The following SOX5 variants were observed in gnomAD, a reference collection of about 807,000 sequenced individuals.
The protein encoded by SOX5 is transcription factor SOX-5.
In SOX5, 9 loss-of-function variants were observed where a neutral mutation model predicts 92.0. The observed-to-expected ratio is 0.10, with a 90% CI of 0.06 to 0.17. SOX5 has a LOEUF of 0.17. Ranked by LOEUF, SOX5 falls within the 10% of genes least tolerant of loss-of-function variation. The probability of loss-of-function intolerance (pLI) is 1.00; values close to 1 mark genes in which losing one functional copy is unlikely to be tolerated. For missense variants in SOX5, 642 were observed against 944.5 expected (o/e 0.68, Z 4.20); for synonymous variants, 344 against 336.3 (o/e 1.02, Z -0.25).
intron 4 of SOX5, among the ~76,000 whole-genome samples, chr12:24,107,255 C>T (rs1946796791): frequency 6.6e-6 from 1 of 152,142 alleles, no homozygotes; most frequent in Non-Finnish European, 1.5e-5. Flanking sequence ...GGGGCAGCCA[C>T]TCTCTTCTTA....
chr12:23,611,702 A>G (rs2075983545), intron 8 of SOX5, among the ~76,000 whole-genome samples: 1 of 152,126 alleles, frequency 6.6e-6, no homozygotes, highest in African/African-American at 2.4e-5. Flanking sequence ...GCAGCATATG[A>G]CAGTGTATGG....
chr12:24,253,966 T>C (rs970452410), intron 3 of SOX5, among the ~76,000 whole-genome samples: 1 of 152,176 alleles, frequency 6.6e-6, no homozygotes, highest in African/African-American at 2.4e-5. Context: ...ATGGTAATAG[T>C]AAGTACCTCA....
intron 1 of SOX5, among the ~76,000 whole-genome samples, chr12:24,425,146 C>T (rs984596814): frequency 6.6e-6 from 1 of 152,114 alleles, no homozygotes; most frequent in Admixed American, 6.6e-5. Flanking sequence ...GAGGAAACAA[C>T]ATCAAAGGGC....
intron 4 of SOX5, among the ~76,000 whole-genome samples, chr12:24,194,932 C>T (rs1276410941): frequency 3.3e-5 from 5 of 151,790 alleles, no homozygotes; most frequent in East Asian, 1.9e-4. Context: ...TTTCAATTAC[C>T]GTAGTTCATA....
At chr12:24,134,428 T>G (rs150496277) in intron 4 of SOX5, among the ~76,000 whole-genome samples, 93 of 152,322 alleles carry the variant, frequency 6.1e-4, no homozygotes, top group Non-Finnish European at 1.2e-3. Flanking sequence ...ATTTCTAGCA[T>G]TGATTATACT....
At position 24,444,858 on chromosome 12, in the gene SOX5, G is replaced by T. The variant is rs1002494105; in HGVS notation, c.-250-76219C>A. On this transcript the variant is annotated intron_variant, in intron 1 of 4. Coordinates refer to the SOX5 transcript ENST00000446891. Reference sequence around the variant, plus strand: ...GCATCTCAATTCAACCTCTCTATCTGCCCATCCTGCTTCCTGAGCCTTGCA... The same window carrying T: ...GCATCTCAATTCAACCTCTCTATCTTCCCATCCTGCTTCCTGAGCCTTGCA... Among the ~76,000 whole-genome samples, 3 of 152,138 alleles carry T rather than the reference G, an allele frequency of 2.0e-5. No individual in the cohort carries two copies. In the East Asian group the frequency reaches 5.8e-4, roughly 29 times the overall value.
chr12:24,406,430 T>C (rs1381712827), intron 1 of SOX5, among the ~76,000 whole-genome samples: 1 of 152,130 alleles, frequency 6.6e-6, no homozygotes, highest in Non-Finnish European at 1.5e-5. Flanking sequence ...CAGCTTAATA[T>C]AACATTCGTT....
At chr12:24,019,691 A>G (rs11047212) in intron 4 of SOX5, among the ~76,000 whole-genome samples, 7,593 of 152,240 alleles carry the variant, frequency 0.05, 179 homozygotes, top group Middle Eastern at 0.082. Flanking sequence ...AAAGATCCTC[A>G]CAAGTTCACT....
At chr12:23,819,080 C>A (rs56290807) in intron 3 of SOX5, among the ~76,000 whole-genome samples, 27,757 of 152,116 alleles carry the variant, frequency 0.18, 2,763 homozygotes, top group African/African-American at 0.26. Flanking sequence ...TAAATATATA[C>A]ATCAGTAACA....
intron 4 of SOX5, among the ~76,000 whole-genome samples, chr12:24,068,747 T>TACACACAC (rs147957201): frequency 1.4e-5 from 1 of 71,550 alleles, no homozygotes; most frequent in Non-Finnish European, 2.7e-5. Flanking sequence ...TATATATATA[T>TACACACAC]ACACACACAC....
intron 1 of SOX5, among the ~76,000 whole-genome samples, chr12:24,475,899 T>C (rs1945311372): frequency 1.3e-5 from 2 of 151,922 alleles, no homozygotes; most frequent in Admixed American, 1.3e-4. Flanking sequence ...GGAAGATCGC[T>C]TGAGCCCAGG....
chr12:23,890,124 A>T (rs2097113424), intron 2 of SOX5, among the ~76,000 whole-genome samples: 1 of 152,192 alleles, frequency 6.6e-6, no homozygotes, highest in Non-Finnish European at 1.5e-5. Context: ...GTTCGAGACC[A>T]GCCTGGCCAA....
At chr12:24,233,116 T>G (rs1397596131) in intron 3 of SOX5, among the ~76,000 whole-genome samples, 2 of 152,156 alleles carry the variant, frequency 1.3e-5, no homozygotes, top group African/African-American at 2.4e-5. Context: ...TTCCCTCTTA[T>G]GCCTAACTTC....
At chr12:23,860,540 C>G (rs983347903) in intron 2 of SOX5, among the ~76,000 whole-genome samples, 1 of 152,142 alleles carries the variant, frequency 6.6e-6, no homozygotes, top group Admixed American at 6.6e-5. Flanking sequence ...TAAGTCCGCC[C>G]AACTAAATTA....
intron 2 of SOX5, among the ~76,000 whole-genome samples, chr12:24,289,765 A>G (rs12301630): frequency 0.24 from 35,601 of 145,368 alleles, 6,298 homozygotes; most frequent in African/African-American, 0.28. Context: ...GGACATTTGT[A>G]TCTTGAAAGC....
chr12:24,066,245 T>C (rs1252676589), intron 4 of SOX5, among the ~76,000 whole-genome samples: 1 of 152,204 alleles, frequency 6.6e-6, no homozygotes. Context: ...AAAATTGGTT[T>C]ATGATGTTGA....
chr12:24,291,047 C>T (rs1375443992), intron 2 of SOX5, among the ~76,000 whole-genome samples: 1 of 152,132 alleles, frequency 6.6e-6, no homozygotes, highest in African/African-American at 2.4e-5. Flanking sequence ...TCGTATTAGG[C>T]AATAGGCAGT....
chr12:23,998,506 G>A (rs1156622616), intron 4 of SOX5, among the ~76,000 whole-genome samples: 2 of 151,536 alleles, frequency 1.3e-5, no homozygotes, highest in East Asian at 3.9e-4. Flanking sequence ...AAGAGAGGAG[G>A]AAAAAAAGGG....
intron 2 of SOX5, among the ~76,000 whole-genome samples, chr12:24,318,921 A>T (rs1295672292): frequency 3.9e-5 from 6 of 152,104 alleles, no homozygotes; most frequent in Non-Finnish European, 5.9e-5. Flanking sequence ...ACACTCTCCT[A>T]ATATTTACTC....
Sources: gnomAD v4.1 joint callset for allele counts (sites outside exome capture counted in the v4.1 genomes callset) on GRCh38, gnomAD v4.1.1 for gene constraint, MANE v1.5 for transcripts, NCBI Gene and HGNC (gene_info 2026-07-23, HGNC 2026-07-21) for gene names.